Variants in HS6ST3 observed in about 807,000 individuals in gnomAD.
HS6ST3 encodes heparan-sulfate 6-O-sulfotransferase 3.
In HS6ST3, 12 loss-of-function variants were observed where a neutral mutation model predicts 36.7. That is an observed-to-expected ratio of 0.33 (90% CI 0.21 to 0.53). HS6ST3 has a LOEUF of 0.53. HS6ST3 is among the 20% of genes least tolerant of loss of function. HS6ST3 has a pLI of 0.95. For synonymous variants in HS6ST3, 240 were observed against 257.5 expected, an observed-to-expected ratio of 0.93 and a Z score of 0.65; for missense variants, 584 against 640.9, an observed-to-expected ratio of 0.91 and a Z score of 0.96.
chr13:96,440,741 T>C (rs2055666754), intron 1 of HS6ST3, among the ~76,000 whole-genome samples: 1 of 152,088 alleles, frequency 6.6e-6, no homozygotes. Context: ...CAGCAGAGAC[T>C]ACAGTGGTTT....
intron 1 of HS6ST3, chr13:96,573,602 T>G (rs747730412): frequency 4.7e-6 from 1 of 212,250 alleles, no homozygotes; most frequent in South Asian, 6.6e-5. Context: ...TCTGCAGAAT[T>G]CTAGAACTCG....
At chr13:96,672,055 T>C (rs2056684408) in intron 1 of HS6ST3, among the ~76,000 whole-genome samples, 1 of 152,192 alleles carries the variant, frequency 6.6e-6, no homozygotes, top group Non-Finnish European at 1.5e-5. Context: ...TATTTATTCT[T>C]CTGTCATTTA....
chr13:96,494,741 T>C (rs937002352), intron 1 of HS6ST3, among the ~76,000 whole-genome samples: 1 of 152,006 alleles, frequency 6.6e-6, no homozygotes, highest in African/African-American at 2.4e-5. Flanking sequence ...ACGTCTTCGG[T>C]ATACATATGC....
rs1328150935 is a variant in HS6ST3, at chr13:96,430,377, T to G, written c.707+338808T>G. On this transcript the variant is annotated intron_variant, in intron 1 of 1. Coordinates refer to ENST00000376705, the MANE Select transcript of HS6ST3 (RefSeq NM_153456.4). ...GTAGGTGAACGCCCTCCCTCCTAGA[T>G]TCTTCAGGGTTACCTACATTATCTA... Among the ~76,000 whole-genome samples, 4 of 152,202 alleles carry G rather than the reference T, an allele frequency of 2.6e-5. No homozygotes were observed. In the East Asian group the frequency reaches 5.8e-4, roughly 22 times the overall value.
chr13:96,494,408 G>A (rs1365199994), intron 1 of HS6ST3, among the ~76,000 whole-genome samples: 2 of 119,588 alleles, frequency 1.7e-5, no homozygotes, highest in South Asian at 3.5e-4. Flanking sequence ...GGGGGGAGGG[G>A]GGAGGGATAG....
intron 1 of HS6ST3, among the ~76,000 whole-genome samples, chr13:96,607,486 T>C (rs2056443191): frequency 6.6e-6 from 1 of 152,084 alleles, no homozygotes; most frequent in African/African-American, 2.4e-5. Context: ...TAGAGAGACA[T>C]CATAAGAACT....
chr13:96,460,778 A>G (rs2055780216), intron 1 of HS6ST3, among the ~76,000 whole-genome samples: 1 of 152,188 alleles, frequency 6.6e-6, no homozygotes, highest in African/African-American at 2.4e-5. Context: ...AGTTAAGGAG[A>G]TAGGTCTGGC....
chr13:96,746,266 T>G (rs1388118839), intron 1 of HS6ST3, among the ~76,000 whole-genome samples: 3 of 152,036 alleles, frequency 2.0e-5, no homozygotes, highest in Non-Finnish European at 4.4e-5. Flanking sequence ...CTTAAAAAGG[T>G]TAAGTAACTT....
intron 1 of HS6ST3, among the ~76,000 whole-genome samples, chr13:96,645,573 C>T (rs1025123909): frequency 6.6e-6 from 1 of 151,214 alleles, no homozygotes; most frequent in Admixed American, 6.6e-5. Flanking sequence ...GTGTGTTTGA[C>T]CTTATTATAA....
At chr13:96,423,179 C>T (rs1031693316) in intron 1 of HS6ST3, among the ~76,000 whole-genome samples, 2 of 152,184 alleles carry the variant, frequency 1.3e-5, no homozygotes, top group African/African-American at 4.8e-5. Context: ...TGAGGGTCCC[C>T]TCTTCATTCT....
chr13:96,347,213 G>A (rs1223567211), intron 1 of HS6ST3, among the ~76,000 whole-genome samples: 2 of 152,138 alleles, frequency 1.3e-5, no homozygotes, highest in African/African-American at 2.4e-5. Flanking sequence ...AAGCTGCTAA[G>A]TTTTATGATA....
At chr13:96,829,770 A>G (rs1310304326) in intron 1 of HS6ST3, among the ~76,000 whole-genome samples, 1 of 152,170 alleles carries the variant, frequency 6.6e-6, no homozygotes, top group African/African-American at 2.4e-5. Context: ...GGTTGATTCC[A>G]TGTCTTTGCT....
intron 1 of HS6ST3, among the ~76,000 whole-genome samples, chr13:96,461,412 A>G (rs189822726): frequency 2.4e-3 from 361 of 152,310 alleles, no homozygotes; most frequent in Non-Finnish European, 3.4e-3. Context: ...AGCCTCTACT[A>G]CATGCCAGAG....
chr13:96,523,581 T>C (rs755284188), intron 1 of HS6ST3, among the ~76,000 whole-genome samples: 112 of 152,276 alleles, frequency 7.4e-4, no homozygotes, highest in Non-Finnish European at 1.3e-3. Context: ...CTCTTTTTTT[T>C]CTCTAATATT....
At chr13:96,153,523 T>A (rs1040197106) in intron 1 of HS6ST3, among the ~76,000 whole-genome samples, 5 of 151,482 alleles carry the variant, frequency 3.3e-5, no homozygotes, top group African/African-American at 9.7e-5. Context: ...AAAGGTTAGG[T>A]TGTAGCTCCT....
intron 1 of HS6ST3, among the ~76,000 whole-genome samples, chr13:96,340,453 G>T (rs1409028352): frequency 2.6e-5 from 4 of 152,258 alleles, no homozygotes; most frequent in Non-Finnish European, 5.9e-5. Context: ...TAGGGTTGAT[G>T]TGAAGAGTAC....
intron 1 of HS6ST3, among the ~76,000 whole-genome samples, chr13:96,212,050 T>G (rs1387832126): frequency 6.6e-6 from 1 of 152,166 alleles, no homozygotes; most frequent in Non-Finnish European, 1.5e-5. Flanking sequence ...CTTAAACACT[T>G]ACATCAAAAG....
At chr13:96,640,994 G>A (rs1465918086) in intron 1 of HS6ST3, among the ~76,000 whole-genome samples, 1 of 151,736 alleles carries the variant, frequency 6.6e-6, no homozygotes, top group Non-Finnish European at 1.5e-5. Context: ...TGATGCCTCT[G>A]GCTTTGTTTG....
rs538395624 is a variant in HS6ST3 at position 96,480,520 on chromosome 13, C to T, written c.708-351970C>T. Among the ~76,000 whole-genome samples the T allele has an allele frequency of 6.6e-5, 10 of 152,212 alleles. No homozygotes were observed. The East Asian group carries it at 1.9e-3, about 29-fold the overall frequency. On this transcript the variant is annotated intron_variant, in intron 1 of 1. Coordinates refer to ENST00000376705, the MANE Select transcript of HS6ST3 (RefSeq NM_153456.4). ...GGAGTAGAGTTTGTGTGCAACATTACTGGACTTAATTTTCCAAACTCTAGG... is the reference window on the plus strand; with the variant it reads ...GGAGTAGAGTTTGTGTGCAACATTATTGGACTTAATTTTCCAAACTCTAGG...
Sources: allele counts gnomAD v4.1 joint callset (sites outside exome capture counted in the v4.1 genomes callset), GRCh38; gene constraint gnomAD v4.1.1; transcripts MANE v1.5; gene names NCBI Gene and HGNC (gene_info 2026-07-23, HGNC 2026-07-21).